UBR2: variants seen among roughly 807,000 people sequenced by gnomAD.
The protein encoded by UBR2 is ubiquitin protein ligase E3 component n-recognin 2.
A neutral mutation model predicts 247.9 loss-of-function variants in UBR2; 92 were observed. The observed-to-expected ratio is 0.37, with a 90% CI of 0.31 to 0.44. UBR2 has a LOEUF of 0.44. Ranked by LOEUF, UBR2 falls within the 20% of genes least tolerant of loss-of-function variation. The pLI, the probability that UBR2 is intolerant of heterozygous loss-of-function variation, is 1.00. For missense variants in UBR2, 1,613 were observed against 2,112.6 expected, an observed-to-expected ratio of 0.76 and a Z score of 4.64; for synonymous variants, 672 against 693.5, an observed-to-expected ratio of 0.97 and a Z score of 0.49.
chr6:42,615,872 A>C, intron 9 of UBR2, 130 bp from the exon 10 acceptor site: 3 of 617,672 alleles, frequency 4.9e-6, no homozygotes, highest in Non-Finnish European at 7.9e-6. Context: ...AGCCTGGGCA[A>C]CACAGCAAGA....
Position 42,573,930 on chromosome 6 carries a change from C to A in UBR2, c.275C>A (p.Ala92Glu), listed in dbSNP as rs1034160120. 1 of 1,613,480 alleles carries A rather than the reference C, an allele frequency of 6.2e-7. No homozygotes were observed. Among genetic ancestry groups the A allele is most frequent in the Admixed American group, 1.7e-5 (1 of 59,904 alleles). Residue 92 changes from alanine to glutamate, a missense_variant, in exon 2 of 47, where the codon GCA becomes GAA. This residue lies in a region of UBR2 where 1,524 missense variants were observed against 1,967.3 expected (regional missense o/e 0.77). Coordinates refer to ENST00000372901, the MANE Select transcript of UBR2 (RefSeq NM_001363705.2). ...TTTGGATTTCCAAAACTTGAGCAAG[C>A]AAACAAACCTTCTCATCTTTGTGGT... ...PAFGFPKLEQ[A>E]NKPSHLCGRV... is the part of the protein sequence containing the mutation.
chr6:42,608,129 A>G (rs1176510589), intron 7 of UBR2, among the ~76,000 whole-genome samples: 6 of 152,132 alleles, frequency 3.9e-5, no homozygotes, highest in Admixed American at 3.9e-4. Flanking sequence ...TTACATAGAT[A>G]CAAAAGTTTC....
At chr6:42,564,511 T>A (rs1340872375) in intron 1 of UBR2, 114 bp downstream of exon 1, 10 of 1,234,862 alleles carry the variant, frequency 8.1e-6, no homozygotes, top group Non-Finnish European at 1.0e-5. Flanking sequence ...GAAACAGCTG[T>A]GCCGGCCCTC....
chr6:42,607,793 T>C (rs913952700), intron 7 of UBR2, among the ~76,000 whole-genome samples: 1 of 151,604 alleles, frequency 6.6e-6, no homozygotes, highest in Non-Finnish European at 1.5e-5. Context: ...ATTACTTTGC[T>C]TAATTTACTT....
intron 11 of UBR2, among the ~76,000 whole-genome samples, chr6:42,621,024 T>C (rs1407864985): frequency 6.6e-6 from 1 of 152,178 alleles, no homozygotes; most frequent in Non-Finnish European, 1.5e-5. Context: ...GGTTTCACTA[T>C]GTTGGACAGA....
At chr6:42,583,864 C>CT (rs1792076397) in intron 2 of UBR2, among the ~76,000 whole-genome samples, 1 of 152,014 alleles carries the variant, frequency 6.6e-6, no homozygotes, top group African/African-American at 2.4e-5. Context: ...TGATTTTAGA[C>CT]TTTATGTCTG....
chr6:42,660,169 A>G (rs1797718759), intron 30 of UBR2, among the ~76,000 whole-genome samples: 1 of 152,204 alleles, frequency 6.6e-6, no homozygotes, highest in African/African-American at 2.4e-5. Flanking sequence ...TCATTTGTTG[A>G]CACACTGAAA....
intron 7 of UBR2, among the ~76,000 whole-genome samples, chr6:42,607,577 TG>T (rs1793783951): frequency 6.6e-6 from 1 of 151,858 alleles, no homozygotes; most frequent in African/African-American, 2.4e-5. Flanking sequence ...TTTAGTGGCA[TG>T]ATCTCCACTC....
At chr6:42,565,862 G>C (rs985406459) in intron 1 of UBR2, among the ~76,000 whole-genome samples, 3 of 151,828 alleles carry the variant, frequency 2.0e-5, no homozygotes, top group Admixed American at 2.0e-4. Flanking sequence ...GCCCTGCCTT[G>C]GTGTGTTTTT....
intron 10 of UBR2, 147 bp from the exon 11 acceptor site, chr6:42,617,262 A>C: frequency 6.2e-7 from 1 of 1,614,044 alleles, no homozygotes. Flanking sequence ...TTGCAGAGAG[A>C]TTTTATGGAG....
intron 11 of UBR2, chr6:42,619,441 A>ATTTTTTTTTTTTTTTT (rs1219290729): frequency 7.5e-5 from 2 of 26,638 alleles, no homozygotes; most frequent in Admixed American, 6.3e-4. Context: ...ATATATATAT[A>ATTTTTTTTTTTTTTTT]TATATATATA....
Position 42,659,846 on chromosome 6 carries a change from C to A in UBR2, c.3433C>A (p.Gln1145Lys). ...ATCAAAAAACAGAAGTAAATTTATT[C>A]AAGATCCAGGTAAGTCATAGCTAGA... is the stretch of plus-strand genomic sequence containing the variant. Reference protein sequence around the residue: ...VLSKNRSKFIQDPEKYDPLFM... With the variant: ...VLSKNRSKFIKDPEKYDPLFM... The change falls in exon 30 of 47, where the codon CAA becomes AAA. Residue 1145 changes from glutamine (Q) to lysine (K), a missense_variant. By Grantham distance (53) the Gln-to-Lys change is moderately conservative (BLOSUM62 1). This residue lies in a region of UBR2 where 1,524 missense variants were observed against 1,967.3 expected (regional missense o/e 0.77). Coordinates refer to ENST00000372901, the MANE Select transcript of UBR2 (RefSeq NM_001363705.2). This position sits in a 1 kb window ranked among gnomAD's most constrained non-coding sequence, Gnocchi z 4.3. 6.2e-7 allele frequency: 1 copy of A among 1,613,920 alleles called. No individual in the cohort carries two copies. The highest frequency in any genetic ancestry group is 2.2e-5 in the East Asian group (1 of 44,866).
chr6:42,659,529 A>T lies in UBR2; in HGVS notation c.3243-127A>T. ...AATAAATAAATATATATACACACAC[A>T]CACACACACACACACACACACACAC... is the stretch of plus-strand genomic sequence containing the variant. On this transcript the variant is annotated intron_variant, in intron 29 of 46. Transcript: ENST00000372901. The surrounding 1 kb of genome is among the most constrained non-coding windows in gnomAD (Gnocchi z 4.3). The T allele has an allele frequency of 1.9e-6, 1 of 528,154 alleles. No individual in the cohort carries two copies. Among genetic ancestry groups the T allele is most frequent in the Non-Finnish European group, 3.2e-6 (1 of 311,098 alleles). The allele number at this position is 528,154 out of a possible 1,614,324, so 32.7% of individuals were successfully genotyped here.
intron 9 of UBR2, 63 bp downstream of exon 9, chr6:42,615,241 G>C: frequency 7.8e-7 from 1 of 1,282,892 alleles, no homozygotes; most frequent in Non-Finnish European, 1.1e-6. Context: ...GATGTGAAAG[G>C]TTTTTATCAT....
At chr6:42,605,411 G>A (rs1176552530) in intron 5 of UBR2, among the ~76,000 whole-genome samples, 5 of 152,198 alleles carry the variant, frequency 3.3e-5, no homozygotes, top group Non-Finnish European at 5.9e-5. Flanking sequence ...CCAGTTGAGA[G>A]CTACTGATAG....
At chr6:42,632,738 A>T in intron 12 of UBR2, 23 bp downstream of exon 12, 1 of 1,591,610 alleles carries the variant, frequency 6.3e-7, no homozygotes, top group South Asian at 1.1e-5. Context: ...TTAATTATTA[A>T]ACCAGTTGCA....
In UBR2 at chr6:42,605,147, T is replaced by G. The variant is rs139662972; in HGVS notation, c.663-574T>G. Among the ~76,000 whole-genome samples, 29 of 152,302 alleles carry G rather than the reference T, an allele frequency of 1.9e-4. No individual in the cohort carries two copies. The East Asian group carries it at 5.6e-3, about 29-fold the overall frequency. ...TTCCTTGTGCTCCATCTCCCAGTAT[T>G]TACCTTTGCCACCTTAGCACCTTTG... On this transcript the variant is annotated intron_variant, in intron 5 of 46. Transcript: ENST00000372901.
chr6:42,587,597 A>G (rs1051210147), intron 2 of UBR2, among the ~76,000 whole-genome samples: 1 of 152,046 alleles, frequency 6.6e-6, no homozygotes, highest in African/African-American at 2.4e-5. Flanking sequence ...GGCTCAAGTG[A>G]TCCTCCCGCC....
rs1582646794 is a variant in UBR2 at position 42,651,102 on chromosome 6, G to A, written c.2565+716G>A. 5.9e-5 allele frequency among the ~76,000 whole-genome samples: 9 copies of A among 151,804 alleles called. No individual in the cohort carries two copies. The South Asian group carries it at 1.0e-3, about 18-fold the overall frequency. Reference sequence around the variant, plus strand: ...CCAGGCATGGTGTCATGCACTTCTCGTCCCAGCTACTCAGGAGGCTGAGAT... The same window carrying A: ...CCAGGCATGGTGTCATGCACTTCTCATCCCAGCTACTCAGGAGGCTGAGAT... On this transcript the variant is annotated intron_variant, in intron 23 of 46. Transcript: ENST00000372901.
Sources: gnomAD v4.1 joint callset for allele counts (sites outside exome capture counted in the v4.1 genomes callset) on GRCh38, gnomAD v4.1.1 for gene constraint, gnomAD v4.1.1 regional missense constraint, Gnocchi (gnomAD v3.1) non-coding constraint, MANE v1.5 for transcripts, NCBI Gene and HGNC (gene_info 2026-07-23, HGNC 2026-07-21) for gene names.